Variants in ADAMTS17 observed in about 807,000 individuals in gnomAD.
The protein encoded by ADAMTS17 is ADAM metallopeptidase with thrombospondin type 1 motif 17.
ADAMTS17 carries 113 observed loss-of-function variants against 141.5 expected under a neutral mutation model. The observed-to-expected ratio is 0.80, with a 90% confidence interval of 0.69 to 0.93. ADAMTS17 has a LOEUF of 0.93. Ranked by LOEUF, ADAMTS17 falls within the 40% of genes least tolerant of loss-of-function variation. The pLI is 0.00. For missense variants in ADAMTS17, 1,659 were observed against 1,517.9 expected (o/e 1.09, Z -1.54); for synonymous variants, 768 against 630.6 (o/e 1.22, Z -3.27).
chr15:100,147,496 C>T (rs1472753446), intron 10 of ADAMTS17, among the ~76,000 whole-genome samples: 1 of 152,184 alleles, frequency 6.6e-6, no homozygotes, highest in African/African-American at 2.4e-5. Context: ...ACTACTACTA[C>T]ACCACTGCCT....
intron 3 of ADAMTS17, among the ~76,000 whole-genome samples, chr15:100,302,415 G>A (rs973047896): frequency 6.6e-6 from 1 of 152,094 alleles, no homozygotes; most frequent in Non-Finnish European, 1.5e-5. Flanking sequence ...AATTTCTTTT[G>A]GATATGTATG....
In ADAMTS17 at chr15:100,096,437, C is replaced by G. The variant is rs1567165891; in HGVS notation, c.2056G>C (p.Glu686Gln). 3 of 1,614,166 alleles carry G rather than the reference C, an allele frequency of 1.9e-6. No individual in the cohort carries two copies. The highest frequency in any genetic ancestry group is 2.5e-6 in the Non-Finnish European group (3 of 1,180,038). Residue 686 changes from glutamate (E) to glutamine (Q), a missense_variant, in exon 15 of 22, where the codon GAG becomes CAG. By Grantham distance (29) the Glu-to-Gln change is conservative. Transcript: ENST00000268070. Reference protein sequence around the residue: ...CDGIIGSAAKEDRCGVCSGDG... With the variant: ...CDGIIGSAAKQDRCGVCSGDG... ...CCGCTGCAGACCCCGCATCTGTCCT[C>G]TTTGGCTGCAGACCCGATGATGCCG...
chr15:99,980,928 A>G (rs976794228), intron 20 of ADAMTS17, among the ~76,000 whole-genome samples: 2 of 152,206 alleles, frequency 1.3e-5, no homozygotes, highest in Non-Finnish European at 2.9e-5. Flanking sequence ...TCTCCAGCAT[A>G]TGCAGATGGT....
At chr15:100,012,958 T>G (rs529165934) in intron 18 of ADAMTS17, among the ~76,000 whole-genome samples, 2 of 152,328 alleles carry the variant, frequency 1.3e-5, no homozygotes, top group South Asian at 4.1e-4. Context: ...TGCATTGAAT[T>G]TGTAGATTGC....
At chr15:100,053,252 G>A (rs764358059) in intron 16 of ADAMTS17, among the ~76,000 whole-genome samples, 2 of 152,180 alleles carry the variant, frequency 1.3e-5, no homozygotes, top group Non-Finnish European at 2.9e-5. Flanking sequence ...TCTCTGACAT[G>A]TTTAAAAGGA....
chr15:100,166,961 A>T (rs1483215617), intron 8 of ADAMTS17, among the ~76,000 whole-genome samples: 4 of 152,258 alleles, frequency 2.6e-5, no homozygotes, highest in Admixed American at 2.6e-4. Context: ...ATTGGTATGT[A>T]GCCTAGGCCA....
rs150288881 is a variant in ADAMTS17, at chr15:100,238,694, C to T, written c.1075+15442G>A. On this transcript the variant is annotated intron_variant, in intron 7 of 21. Transcript: ENST00000268070. ...AGTTTGATCCCAGCTCTGTCACTCG[C>T]GAGTGGCATAATTTCAGACAAGAAA... Among the ~76,000 whole-genome samples the T allele has an allele frequency of 2.3e-3, 346 of 152,306 alleles. 5 individuals are homozygous for T. Among genetic ancestry groups the T allele is most frequent in the South Asian group, 0.011 (54 of 4,824 alleles).
intron 15 of ADAMTS17, among the ~76,000 whole-genome samples, chr15:100,067,323 T>C (rs560554815): frequency 6.6e-6 from 1 of 152,154 alleles, no homozygotes; most frequent in Non-Finnish European, 1.5e-5. Context: ...TCTTCCCTTA[T>C]GATATTGAGA....
At chr15:99,980,107 G>C (rs2060453660) in intron 20 of ADAMTS17, 1 of 152,230 alleles carries the variant, frequency 6.6e-6, no homozygotes, top group African/African-American at 2.4e-5. Context: ...GGTCACCTGA[G>C]GCCAGAAGTT....
rs761591792 is a variant in ADAMTS17, at chr15:100,330,985, T to G, written c.520A>C (p.Ser174Arg). Residue 174 changes from serine (S) to arginine (R), a missense_variant, in exon 3 of 22, where the codon AGT (serine) becomes CGT (arginine). Ser to Arg is a moderately radical substitution (Grantham distance 110, BLOSUM62 -1). Transcript: ENST00000268070. ...QPLNNSQGPF[S>R]GREHLIRRKW... ...CGCCTGATCAGATGTTCTCGTCCAC[T>G]GAATGGGCCCTGGGAGTTGTTGAGG... 9.9e-6 allele frequency: 16 copies of G among 1,614,066 alleles called. No homozygotes were observed. The highest frequency in any genetic ancestry group is 1.6e-4 in the Middle Eastern group (1 of 6,084).
intron 2 of ADAMTS17, among the ~76,000 whole-genome samples, chr15:100,337,193 T>C (rs889181057): frequency 2.6e-5 from 4 of 152,260 alleles, no homozygotes; most frequent in Non-Finnish European, 5.9e-5. Flanking sequence ...TATTCTTATC[T>C]GGACTACACT....
At chr15:100,068,483 C>T (rs1019340605) in intron 15 of ADAMTS17, among the ~76,000 whole-genome samples, 1 of 152,228 alleles carries the variant, frequency 6.6e-6, no homozygotes, top group East Asian at 1.9e-4. Context: ...CCTGAGTAGC[C>T]TAATTGGGAG....
intron 18 of ADAMTS17, among the ~76,000 whole-genome samples, chr15:100,002,561 G>A (rs936009738): frequency 1.3e-5 from 2 of 152,020 alleles, no homozygotes; most frequent in African/African-American, 4.8e-5. Flanking sequence ...TACATCCGCC[G>A]TCACCTCGCT....
chr15:100,136,775 C>G (rs2038355511), intron 10 of ADAMTS17, among the ~76,000 whole-genome samples: 2 of 152,192 alleles, frequency 1.3e-5, no homozygotes, highest in African/African-American at 4.8e-5. Flanking sequence ...AGGTCTTATT[C>G]TCAGATTGCA....
chr15:100,210,653 C>T (rs1193675091), intron 7 of ADAMTS17, among the ~76,000 whole-genome samples: 2 of 152,224 alleles, frequency 1.3e-5, no homozygotes, highest in Non-Finnish European at 2.9e-5. Flanking sequence ...AAATTCTAAT[C>T]AGTCACCAAC....
In ADAMTS17 at chr15:99,993,231, G is replaced by C. The variant is rs371711691; in HGVS notation, c.2797-31C>G. ...AGACACCATTCAAATATTTAACCGA[G>C]TTCCAATTCGATTCAAGTCCATCAA... On this transcript the variant is annotated intron_variant, in intron 19 of 21. Coordinates refer to ENST00000268070, the MANE Select transcript of ADAMTS17 (RefSeq NM_139057.4). The surrounding 1 kb of genome is among the most constrained non-coding windows in gnomAD (Gnocchi z 4.3). 1 of 1,613,802 alleles carries C rather than the reference G, an allele frequency of 6.2e-7. No individual in the cohort carries two copies. Among genetic ancestry groups the C allele is most frequent in the Non-Finnish European group, 8.5e-7 (1 of 1,179,992 alleles).
chr15:99,984,138 C>T lies in ADAMTS17; in HGVS notation c.2950-7916G>A, dbSNP rs544506945. Among the ~76,000 whole-genome samples the T allele has an allele frequency of 3.0e-3, 458 of 152,272 alleles. 3 individuals carry two copies. Among genetic ancestry groups the T allele is most frequent in the African/African-American group, 0.01 (431 of 41,566 alleles). ...GGGGTCCCTCCTTCCTCTGAATTCG[C>T]GGCCTGCTGACCTGCATATTGTGGC... On this transcript the variant is annotated intron_variant, in intron 20 of 21. Transcript: ENST00000268070.
In ADAMTS17 at chr15:100,096,461, C is replaced by A. The variant is rs201492720; in HGVS notation, c.2032G>T (p.Gly678Cys). 1 of 1,614,124 alleles carries A rather than the reference C, an allele frequency of 6.2e-7. No homozygotes were observed. The highest frequency in any genetic ancestry group is 1.7e-5 in the Admixed American group (1 of 60,022). The part of the protein sequence containing the change: ...HGKCQKIGCD[G>C]IIGSAAKEDR... ...TCTTTGGCTGCAGACCCGATGATGC[C>A]GTCACAGCCGATTTTCTAAAGAACC... The change falls in exon 15 of 22, where the codon GGC (glycine) becomes TGC (cysteine). Residue 678 changes from glycine to cysteine, a missense_variant. Physicochemically the swap from Gly to Cys is radical, Grantham distance 159. Transcript: ENST00000268070.
chr15:100,255,615 G>GC (rs1567437863), intron 6 of ADAMTS17, among the ~76,000 whole-genome samples: 110 of 24,716 alleles, frequency 4.5e-3, no homozygotes, highest in Non-Finnish European at 3.1e-3. Context: ...CGTGTTTTGA[G>GC]CAACACACAC....
Sources: gnomAD v4.1 joint callset for allele counts (sites outside exome capture counted in the v4.1 genomes callset) on GRCh38, gnomAD v4.1.1 for gene constraint, Gnocchi (gnomAD v3.1) non-coding constraint, MANE v1.5 for transcripts, NCBI Gene and HGNC (gene_info 2026-07-23, HGNC 2026-07-21) for gene names.